RLIM: variants seen among roughly 807,000 people sequenced by gnomAD.
The protein encoded by RLIM is E3 ubiquitin-protein ligase RLIM.
RLIM carries 2 observed loss-of-function variants against 34.0 expected under a neutral mutation model. That is an observed-to-expected ratio of 0.06 (90% CI 0.02 to 0.19). The LOEUF is 0.19. RLIM is among the 10% of genes least tolerant of loss of function. The pLI is 1.00. For missense variants in RLIM, 286 were observed against 479.7 expected (o/e 0.60, Z 3.77); for synonymous variants, 169 against 164.0 (o/e 1.03, Z -0.23).
intron 1 of RLIM, among the ~76,000 whole-genome samples, chrX:74,602,257 T>C (rs1481634999): frequency 1.8e-5 from 2 of 111,635 alleles, no homozygotes; most frequent in Non-Finnish European, 3.8e-5. Context: ...AAGTACACAG[T>C]CGGGGAAGAA....
At position 74,607,749 on chromosome X, in the gene RLIM, A is replaced by G. The variant is rs1378787506; in HGVS notation, c.-24+6673T>C. ...AAAACCACACACCAAAAACACACAC[A>G]CACAAAAAAAACAAAAAAGAACTTC... On this transcript the variant is annotated intron_variant, in intron 1 of 3. Coordinates refer to ENST00000332687, the MANE Select transcript of RLIM (RefSeq NM_016120.4). 4.5e-5 allele frequency among the ~76,000 whole-genome samples: 5 copies of G among 112,053 alleles called. No individual in the cohort carries two copies. The East Asian group carries it at 1.4e-3, about 31-fold the overall frequency.
chrX:74,584,501 GCTTT>G lies in RLIM; in HGVS notation c.*6935_*6938del, dbSNP rs754474079. On this transcript the variant is annotated 3_prime_UTR_variant, in exon 4 of 4. Transcript: ENST00000332687. The stretch of plus-strand genomic sequence containing the variant: ...AAGACCTCAAAGAAACTGGACCCTT[GCTTT>G]CTTATTTTTTAAAATGACCATTAAG... 6.3e-5 allele frequency among the ~76,000 whole-genome samples: 7 copies of G among 111,954 alleles called. No individual in the cohort carries two copies. Among genetic ancestry groups the G allele is most frequent in the African/African-American group, 9.7e-5 (3 of 30,802 alleles).
intron 1 of RLIM, among the ~76,000 whole-genome samples, chrX:74,607,998 G>A (rs973807616): frequency 5.3e-5 from 6 of 112,419 alleles, no homozygotes; most frequent in Non-Finnish European, 1.1e-4. Flanking sequence ...TAATTAAAAT[G>A]TTATGGTATT....
chrX:74,604,632 C>A (rs1329795575), intron 1 of RLIM, among the ~76,000 whole-genome samples: 1 of 111,579 alleles, frequency 9.0e-6, no homozygotes, highest in Non-Finnish European at 1.9e-5. Flanking sequence ...AAGATTCATT[C>A]TTGACCTTTT....
At chrX:74,607,191 G>C (rs1486845485) in intron 1 of RLIM, among the ~76,000 whole-genome samples, 9 of 105,602 alleles carry the variant, frequency 8.5e-5, no homozygotes, top group African/African-American at 3.1e-4. Context: ...AAAAAGTGGG[G>C]TGGGTGGGAG....
intron 1 of RLIM, among the ~76,000 whole-genome samples, chrX:74,601,325 T>C (rs1043676845): frequency 8.9e-5 from 10 of 111,965 alleles, no homozygotes; most frequent in Admixed American, 6.6e-4. Flanking sequence ...TGAGATGTCA[T>C]AGAGAACAGG....
rs773502143 is a variant in RLIM at position 74,583,464 on chromosome X, T to C, written c.*7976A>G. The C allele has an allele frequency of 1.5e-6, 1 of 684,870 alleles. No individual in the cohort carries two copies. The highest frequency in any genetic ancestry group is 2.1e-5 in the African/African-American group (1 of 47,868). The allele number at this position is 684,870 out of a possible 1,213,427, so 56.4% of individuals were successfully genotyped here. On this transcript the variant is annotated 3_prime_UTR_variant, in exon 4 of 4. Coordinates refer to ENST00000332687, the MANE Select transcript of RLIM (RefSeq NM_016120.4). ...ATTGCAAACTCCCGCAGCATATTTATACTGTGGAACGGTGCGGACAGCAGG... is the reference window on the plus strand; with the variant it reads ...ATTGCAAACTCCCGCAGCATATTTACACTGTGGAACGGTGCGGACAGCAGG...
At chrX:74,599,244 A>G (rs913100056) in intron 1 of RLIM, among the ~76,000 whole-genome samples, 1 of 112,040 alleles carries the variant, frequency 8.9e-6, no homozygotes, top group African/African-American at 3.2e-5. Flanking sequence ...GTCATTCACT[A>G]TTTGTACGAG....
intron 1 of RLIM, among the ~76,000 whole-genome samples, chrX:74,608,265 C>T: frequency 9.0e-6 from 1 of 111,264 alleles, no homozygotes; most frequent in Middle Eastern, 4.2e-3. Flanking sequence ...TAAGATATAA[C>T]CTACACCACA....
Position 74,590,140 on chromosome X carries a change from AAC to A in RLIM, c.*1298_*1299del, listed in dbSNP as rs1221704058. 1.8e-5 allele frequency: 2 copies of A among 112,119 alleles called. No individual in the cohort carries two copies. The highest frequency in any genetic ancestry group is 3.8e-5 in the Non-Finnish European group (2 of 53,211). 9.2% of individuals were successfully genotyped at this position (112,119 alleles called of 1,213,427 possible). ...AACACAAATTCGAGACTTTCCTATTAACACACACATGTGTACCAACTGCAATT... is the reference window on the plus strand; with the variant it reads ...AACACAAATTCGAGACTTTCCTATTAACACACATGTGTACCAACTGCAATT... On this transcript the variant is annotated 3_prime_UTR_variant, in exon 4 of 4. Transcript: ENST00000332687.
intron 1 of RLIM, among the ~76,000 whole-genome samples, chrX:74,608,706 G>T (rs1265495374): frequency 8.9e-6 from 1 of 112,320 alleles, no homozygotes; most frequent in Non-Finnish European, 1.9e-5. Flanking sequence ...TGTTCCTCAT[G>T]TACGCACCGA....
chrX:74,610,751 G>A lies in RLIM; in HGVS notation c.-24+3671C>T, dbSNP rs1056477020. Among the ~76,000 whole-genome samples the A allele has an allele frequency of 1.1e-3, 119 of 109,810 alleles. 1 individual carries two copies. Among genetic ancestry groups the A allele is most frequent in the African/African-American group, 3.8e-3 (115 of 30,136 alleles). The stretch of plus-strand genomic sequence containing the variant: ...CTAAAAATACAAAAATTAGCCAGGC[G>A]TGGTGGAGAGCGCCTGTACTCCCAG... On this transcript the variant is annotated intron_variant, in intron 1 of 3. Transcript: ENST00000332687.
intron 1 of RLIM, among the ~76,000 whole-genome samples, chrX:74,602,883 C>T (rs1452961721): frequency 6.3e-5 from 7 of 111,083 alleles, no homozygotes; most frequent in African/African-American, 2.0e-4. Flanking sequence ...AGAGGAATAA[C>T]ATGAAGGAGA....
chrX:74,595,582 G>A (rs1001841750), intron 2 of RLIM, among the ~76,000 whole-genome samples: 4 of 111,487 alleles, frequency 3.6e-5, no homozygotes, highest in African/African-American at 9.8e-5. Context: ...AATTCAGTTC[G>A]CTAAAAATTC....
chrX:74,587,584 T>C lies in RLIM; in HGVS notation c.*3856A>G, dbSNP rs2079593567. 8.9e-6 allele frequency: 1 copy of C among 111,761 alleles called. No homozygotes were observed. The highest frequency in any genetic ancestry group is 3.7e-4 in the South Asian group (1 of 2,681). The allele number at this position is 111,761 out of a possible 1,213,427, so 9.2% of individuals were successfully genotyped here. On this transcript the variant is annotated 3_prime_UTR_variant, in exon 4 of 4. Coordinates refer to ENST00000332687, the MANE Select transcript of RLIM (RefSeq NM_016120.4). ...AGAAAAAATATTAACAACCATAAGGTGCCACTGTATTTTAGCAAGCTGTAA... is the reference window on the plus strand; with the variant it reads ...AGAAAAAATATTAACAACCATAAGGCGCCACTGTATTTTAGCAAGCTGTAA...
chrX:74,603,501 A>G (rs937807677), intron 1 of RLIM, among the ~76,000 whole-genome samples: 1 of 111,769 alleles, frequency 8.9e-6, no homozygotes, highest in African/African-American at 3.3e-5. Flanking sequence ...TATATTTTTG[A>G]AGTGTATGTG....
chrX:74,613,638 CTTT>C (rs11416723), intron 1 of RLIM, among the ~76,000 whole-genome samples: 3 of 87,568 alleles, frequency 3.4e-5, no homozygotes, highest in South Asian at 6.4e-4. Flanking sequence ...CCCCCCTAGG[CTTT>C]TTTTTTTTTT....
intron 1 of RLIM, among the ~76,000 whole-genome samples, chrX:74,598,507 G>T (rs897867789): frequency 9.1e-6 from 1 of 110,497 alleles, no homozygotes; most frequent in Non-Finnish European, 1.9e-5. Context: ...TGCCAGGCGC[G>T]GTGGCTCACG....
intron 1 of RLIM, among the ~76,000 whole-genome samples, chrX:74,611,563 T>A (rs887363466): frequency 7.1e-5 from 8 of 112,426 alleles, no homozygotes; most frequent in African/African-American, 2.3e-4. Flanking sequence ...AATAAATATG[T>A]GTAAACATGC....
Sources: gnomAD v4.1 joint callset for allele counts (sites outside exome capture counted in the v4.1 genomes callset) on GRCh38, gnomAD v4.1.1 for gene constraint, MANE v1.5 for transcripts, NCBI Gene and HGNC (gene_info 2026-07-23, HGNC 2026-07-21) for gene names.